The following SPIDR variants were observed in gnomAD, a reference collection of about 807,000 sequenced individuals.
SPIDR encodes the protein DNA repair-scaffolding protein.
SPIDR carries 93 observed loss-of-function variants against 104.6 expected under a neutral mutation model. The ratio of observed to expected loss-of-function variants is 0.89; its 90% CI spans 0.75 to 1.06. The LOEUF is 1.06. Among genes scored for constraint, SPIDR ranks in the 50% least tolerant of loss-of-function variants. The pLI is 0.00. For synonymous variants in SPIDR, 431 were observed against 416.9 expected (o/e 1.03, Z -0.41); for missense variants, 1,154 against 1,111.2 (o/e 1.04, Z -0.55).
intron 9 of SPIDR, 35 bp from the exon 10 acceptor site, chr8:47,598,911 G>A: frequency 2.5e-6 from 4 of 1,611,498 alleles, no homozygotes; most frequent in Non-Finnish European, 3.4e-6. Context: ...AACTTTGTGA[G>A]TCTTGAAACT....
At chr8:47,436,311 G>C (rs575294542) in intron 7 of SPIDR, among the ~76,000 whole-genome samples, 46 of 152,358 alleles carry the variant, frequency 3.0e-4, no homozygotes, top group African/African-American at 1.1e-3. Context: ...TGGCTGTCTT[G>C]TAGCAGTTAT....
In SPIDR at chr8:47,614,755, G is replaced by C. The variant is rs550745873; in HGVS notation, c.1544+15559G>C. On this transcript the variant is annotated intron_variant, in intron 10 of 19. Transcript: ENST00000297423. ...GAGTCAAATGGTATTTCTGGTTCTAGGTCTTTGAGGAATCACCACACTGTC... is the reference window on the plus strand; with the variant it reads ...GAGTCAAATGGTATTTCTGGTTCTACGTCTTTGAGGAATCACCACACTGTC... Among the ~76,000 whole-genome samples, 30 of 152,200 alleles carry C rather than the reference G, an allele frequency of 2.0e-4. 1 individual carries two copies. The highest frequency in any genetic ancestry group is 9.2e-4 in the Admixed American group (14 of 15,294).
At chr8:47,507,529 G>C (rs1194166338) in intron 8 of SPIDR, among the ~76,000 whole-genome samples, 1 of 152,224 alleles carries the variant, frequency 6.6e-6, no homozygotes, top group Non-Finnish European at 1.5e-5. Context: ...ACTTTCCCAT[G>C]AGCCCTGGTG....
At chr8:47,718,051 C>T (rs1291656200) in intron 16 of SPIDR, among the ~76,000 whole-genome samples, 1 of 152,204 alleles carries the variant, frequency 6.6e-6, no homozygotes, top group African/African-American at 2.4e-5. Context: ...ATATGCCAGA[C>T]ACATTGAAGG....
intron 5 of SPIDR, among the ~76,000 whole-genome samples, chr8:47,379,785 G>A (rs2059111376): frequency 6.6e-6 from 1 of 152,188 alleles, no homozygotes; most frequent in Middle Eastern, 3.2e-3. Context: ...GCGGAGCTCT[G>A]TGTCCCCTTG....
intron 5 of SPIDR, among the ~76,000 whole-genome samples, chr8:47,347,808 C>A (rs1204821693): frequency 6.6e-6 from 1 of 152,214 alleles, no homozygotes; most frequent in South Asian, 2.1e-4. Context: ...CTTGGTAGAT[C>A]TTCCTCCGTT....
chr8:47,280,383 G>C (rs376208606), intron 2 of SPIDR, among the ~76,000 whole-genome samples: 1 of 143,092 alleles, frequency 7.0e-6, no homozygotes, highest in Non-Finnish European at 1.5e-5. Context: ...ATGTGCCGCC[G>C]TGCCTGGCTA....
intron 5 of SPIDR, among the ~76,000 whole-genome samples, chr8:47,350,575 A>T (rs1470955638): frequency 6.6e-6 from 1 of 151,664 alleles, no homozygotes; most frequent in Non-Finnish European, 1.5e-5. Context: ...CGGCCTCCCA[A>T]AGTGCTGGGG....
At position 47,649,006 on chromosome 8, in the gene SPIDR, G is replaced by A. The variant is rs555821340; in HGVS notation, c.1545-24795G>A. Among the ~76,000 whole-genome samples, 18 of 152,162 alleles carry A rather than the reference G, an allele frequency of 1.2e-4. No homozygotes were observed. In the South Asian group the frequency reaches 3.5e-3, roughly 30 times the overall value. ...GTAACTTATAGTTGAGAAGCCTGAC[G>A]GACATCACCTTAAGTTTTAAAAAGT... On this transcript the variant is annotated intron_variant, in intron 10 of 19. Transcript: ENST00000297423.
chr8:47,657,377 A>G (rs992913770), intron 10 of SPIDR, among the ~76,000 whole-genome samples: 2 of 152,152 alleles, frequency 1.3e-5, no homozygotes, highest in African/African-American at 4.8e-5. Context: ...GAGAGGACAG[A>G]TGAATGTTTT....
At position 47,260,951 on chromosome 8, in the gene SPIDR, T is replaced by C. The variant is rs1051346382; in HGVS notation, c.-8T>C. ...AGGAGGCGGTGCGCTCAGGCGGCGC[T>C]CCCGGAGATGCCCCGCGGCAGCCGC... On this transcript the variant is annotated 5_prime_UTR_variant, in exon 1 of 20. Transcript: ENST00000297423. 1.4e-4 allele frequency: 168 copies of C among 1,228,494 alleles called. No individual in the cohort carries two copies. The highest frequency in any genetic ancestry group is 1.3e-4 in the Non-Finnish European group (130 of 985,672). The allele number at this position is 1,228,494 out of a possible 1,614,324, so 76.1% of individuals were successfully genotyped here.
chr8:47,264,096 G>C (rs549879528), intron 1 of SPIDR, among the ~76,000 whole-genome samples: 5 of 152,214 alleles, frequency 3.3e-5, no homozygotes, highest in African/African-American at 9.6e-5. Flanking sequence ...TCGGATATCT[G>C]CCTCAGCAGT....
intron 10 of SPIDR, among the ~76,000 whole-genome samples, chr8:47,623,500 G>A (rs937240303): frequency 3.9e-5 from 6 of 152,120 alleles, no homozygotes; most frequent in Admixed American, 2.0e-4. Context: ...CCCATCTCAC[G>A]TGCAGAGACA....
At chr8:47,400,556 A>G (rs571077716) in intron 6 of SPIDR, among the ~76,000 whole-genome samples, 1 of 152,268 alleles carries the variant, frequency 6.6e-6, no homozygotes, top group African/African-American at 2.4e-5. Context: ...GATAAAGACC[A>G]GGTAGCAAGG....
At chr8:47,468,035 A>G (rs1333504770) in intron 8 of SPIDR, among the ~76,000 whole-genome samples, 1 of 152,174 alleles carries the variant, frequency 6.6e-6, no homozygotes, top group Non-Finnish European at 1.5e-5. Flanking sequence ...TCAGTGCGCA[A>G]AATTCACTAG....
intron 5 of SPIDR, among the ~76,000 whole-genome samples, chr8:47,307,560 ACAGAGT>A (rs1318474862): frequency 1.1e-5 from 1 of 92,902 alleles, no homozygotes; most frequent in Non-Finnish European, 2.0e-5. Flanking sequence ...TTTTTTTGAG[ACAGAGT>A]CTCACTCTGT....
At chr8:47,595,717 G>A in intron 8 of SPIDR, 94 bp from the exon 9 acceptor site, 1 of 1,211,368 alleles carries the variant, frequency 8.3e-7, no homozygotes, top group Non-Finnish European at 1.2e-6. Flanking sequence ...GTCCATAGCA[G>A]GCGAGTCATT....
intron 8 of SPIDR, among the ~76,000 whole-genome samples, chr8:47,513,942 A>G (rs911776438): frequency 2.0e-5 from 3 of 152,174 alleles, no homozygotes; most frequent in African/African-American, 7.2e-5. Context: ...CCTCTTGCCC[A>G]CAGGTGAACC....
At chr8:47,457,837 G>A (rs2073247647) in intron 8 of SPIDR, among the ~76,000 whole-genome samples, 1 of 152,064 alleles carries the variant, frequency 6.6e-6, no homozygotes, top group Non-Finnish European at 1.5e-5. Flanking sequence ...AGCACCATTT[G>A]TGCTGAATAG....
Sources: gnomAD v4.1 joint callset for allele counts (sites outside exome capture counted in the v4.1 genomes callset) on GRCh38, gnomAD v4.1.1 for gene constraint, MANE v1.5 for transcripts, NCBI Gene and HGNC (gene_info 2026-07-23, HGNC 2026-07-21) for gene names.